ZNF516: variants seen among roughly 807,000 people sequenced by gnomAD.
ZNF516 encodes the protein zinc finger protein 516.
Under a neutral mutation model 79.7 loss-of-function variants are expected in ZNF516, and 19 were observed. That is an observed-to-expected ratio of 0.24 (90% confidence interval 0.17 to 0.35). The LOEUF (loss-of-function observed/expected upper bound fraction) is 0.35, where lower values mean the gene tolerates loss of function less well. ZNF516 is among the 10% of genes least tolerant of loss of function. The probability of loss-of-function intolerance (pLI) is 1.00; values close to 1 mark genes in which losing one functional copy is unlikely to be tolerated. For missense variants in ZNF516, 1,678 were observed against 1,679.5 expected (o/e 1.00, Z 0.02); for synonymous variants, 877 against 739.5 (o/e 1.19, Z -3.02).
rs1319610896 is a variant in ZNF516 at position 76,370,568 on chromosome 18, C to T, written c.3392G>A (p.Gly1131Asp). ...TGCGGAGGTGGTATGAACTTCAGAA[C>T]CCCGAGGCCCATCGGACTCAAACAC... ...SVVFESDGPR[G>D]SEVHTTSADA... is the part of the protein sequence containing the mutation. The change falls in exon 6 of 7, where the codon GGT (glycine) becomes GAT (aspartate). Residue 1131 changes from glycine to aspartate, a missense_variant. This residue lies in a region of ZNF516 where 1,294 missense variants were observed against 1,248.3 expected (regional missense o/e 1.04). Transcript: ENST00000443185. 2 of 1,607,086 alleles carry T rather than the reference C, an allele frequency of 1.2e-6. No homozygotes were observed. The highest frequency in any genetic ancestry group is 1.3e-5 in the African/African-American group (1 of 74,912).
At chr18:76,473,624 A>G (rs1474546857) in intron 1 of ZNF516, among the ~76,000 whole-genome samples, 2 of 151,910 alleles carry the variant, frequency 1.3e-5, no homozygotes, top group Admixed American at 6.6e-5. Flanking sequence ...ACACGGTGAA[A>G]CCCTGTCTCT....
intron 6 of ZNF516, among the ~76,000 whole-genome samples, chr18:76,364,237 T>C (rs970632437): frequency 6.6e-6 from 1 of 152,240 alleles, no homozygotes; most frequent in Non-Finnish European, 1.5e-5. Context: ...ACTGAAGGGA[T>C]GTGTTCCAAT....
intron 2 of ZNF516, among the ~76,000 whole-genome samples, chr18:76,462,314 G>A (rs976350176): frequency 6.6e-5 from 10 of 152,122 alleles, no homozygotes; most frequent in Admixed American, 6.5e-5. Context: ...TGACCCAATC[G>A]ATTACTGAAG....
At chr18:76,426,858 T>A (rs1046769169) in intron 3 of ZNF516, among the ~76,000 whole-genome samples, 1 of 152,210 alleles carries the variant, frequency 6.6e-6, no homozygotes, top group African/African-American at 2.4e-5. Flanking sequence ...CAGTGGCCCA[T>A]CATCAGTACA....
chr18:76,495,689 T>C (rs1034381331), upstream of ZNF516: 2 of 1,194,512 alleles, frequency 1.7e-6, no homozygotes, highest in South Asian at 1.4e-5. Context: ...CGCGCATCCA[T>C]ACGTACAGAC....
At chr18:76,412,444 C>G (rs190403152) in intron 3 of ZNF516, among the ~76,000 whole-genome samples, 1 of 152,304 alleles carries the variant, frequency 6.6e-6, no homozygotes, top group Non-Finnish European at 1.5e-5. Flanking sequence ...TCCTACTGCA[C>G]ACAGGCGTGA....
At chr18:76,435,266 T>C (rs1291283900) in intron 3 of ZNF516, among the ~76,000 whole-genome samples, 1 of 152,230 alleles carries the variant, frequency 6.6e-6, no homozygotes, top group East Asian at 1.9e-4. Context: ...CCCCGGAGTA[T>C]AATCTCTGAA....
intron 6 of ZNF516, among the ~76,000 whole-genome samples, chr18:76,366,789 G>A (rs1372966160): frequency 6.6e-6 from 1 of 152,150 alleles, no homozygotes; most frequent in East Asian, 1.9e-4. Context: ...GTCCTAACTT[G>A]ATTTCCACAG....
intron 3 of ZNF516, among the ~76,000 whole-genome samples, chr18:76,407,256 T>C (rs748091233): frequency 3.9e-5 from 6 of 151,912 alleles, no homozygotes; most frequent in Admixed American, 6.5e-5. Context: ...AGAGACCCCA[T>C]CTCCACAAAA....
At position 76,441,525 on chromosome 18, in the gene ZNF516, G is replaced by A; in HGVS notation, c.1530C>T (p.Gly510=). ...CGAAGCACTCGGAGGACTTGCCCTG[G>A]CCGGTGGTGGCTGCGGCCCTGCGGT... ...RPNRRAAATT[G]QGKSSECFEC... The change falls in exon 3 of 7, where the codon GGC becomes GGT. Residue 510 remains glycine (G), a synonymous_variant. Coordinates refer to ENST00000443185, the MANE Select transcript of ZNF516 (RefSeq NM_014643.4). 1 of 1,578,652 alleles carries A rather than the reference G, an allele frequency of 6.3e-7. No homozygotes were observed.
intron 4 of ZNF516, among the ~76,000 whole-genome samples, chr18:76,375,608 G>T (rs1276421743): frequency 9.2e-6 from 1 of 108,742 alleles, no homozygotes; most frequent in Non-Finnish European, 2.3e-5. Flanking sequence ...CTGGGGACCA[G>T]GTCTCCTGTC....
chr18:76,490,812 G>A (rs1290612470), intron 1 of ZNF516: 6 of 985,358 alleles, frequency 6.1e-6, no homozygotes, highest in African/African-American at 1.7e-5. Flanking sequence ...CGGACCGGAG[G>A]GTCCGAGGGC....
chr18:76,409,085 T>C (rs2075339549), intron 3 of ZNF516, among the ~76,000 whole-genome samples: 1 of 152,218 alleles, frequency 6.6e-6, no homozygotes, highest in African/African-American at 2.4e-5. Context: ...CATAATCATT[T>C]ATATATAAAA....
At chr18:76,419,856 T>A (rs1375241298) in intron 3 of ZNF516, among the ~76,000 whole-genome samples, 3 of 152,246 alleles carry the variant, frequency 2.0e-5, no homozygotes, top group African/African-American at 7.2e-5. Flanking sequence ...TACAAGTTCA[T>A]GAGAACATAT....
intron 4 of ZNF516, among the ~76,000 whole-genome samples, chr18:76,372,303 GTTTA>G (rs780651678): frequency 6.6e-6 from 1 of 152,230 alleles, no homozygotes; most frequent in Non-Finnish European, 1.5e-5. Flanking sequence ...TGCAGAGAGC[GTTTA>G]TTTGTCTGCA....
chr18:76,422,668 A>G, intron 3 of ZNF516, among the ~76,000 whole-genome samples: 1 of 152,116 alleles, frequency 6.6e-6, no homozygotes, highest in South Asian at 2.1e-4. Flanking sequence ...GCTCCAGCCA[A>G]GGGGCAAGAA....
At chr18:76,441,105 T>G in intron 3 of ZNF516, 140 bp downstream of exon 3, 1 of 1,285,508 alleles carries the variant, frequency 7.8e-7, no homozygotes, top group East Asian at 2.6e-5. Context: ...CAGGGTTACC[T>G]GAGCATAGGC....
At chr18:76,444,173 G>A (rs925251692) in intron 2 of ZNF516, among the ~76,000 whole-genome samples, 2 of 152,216 alleles carry the variant, frequency 1.3e-5, no homozygotes, top group African/African-American at 2.4e-5. Flanking sequence ...GCAGCAGAAC[G>A]ATGAGCCAGT....
chr18:76,443,403 A>C (rs1331702022), intron 2 of ZNF516, among the ~76,000 whole-genome samples, 192 bp from the exon 3 acceptor site: 11 of 152,208 alleles, frequency 7.2e-5, no homozygotes, highest in Admixed American at 7.2e-4. Flanking sequence ...CTTAATTATC[A>C]ATAATGAACT....
Sources: allele counts gnomAD v4.1 joint callset (sites outside exome capture counted in the v4.1 genomes callset), GRCh38; gene constraint gnomAD v4.1.1; regional missense constraint gnomAD v4.1.1; transcripts MANE v1.5; gene names NCBI Gene and HGNC (gene_info 2026-07-23, HGNC 2026-07-21).